Variants in RALYL observed in about 807,000 individuals in gnomAD.
The protein encoded by RALYL is RNA-binding Raly-like protein.
RALYL carries 29 observed loss-of-function variants against 35.1 expected under a neutral mutation model. That is an observed-to-expected ratio of 0.83 (90% CI 0.61 to 1.13). RALYL has a LOEUF of 1.13. Among genes scored for constraint, RALYL ranks in the 50% most tolerant of loss-of-function variants. RALYL has a pLI of 0.00. For synonymous variants in RALYL, 120 were observed against 127.6 expected (o/e 0.94, Z 0.40); for missense variants, 359 against 360.4 (o/e 1.00, Z 0.03).
chr8:84,826,683 T>C lies in RALYL; in HGVS notation c.365+21881T>C, dbSNP rs560017863. On this transcript the variant is annotated intron_variant, in intron 4 of 8. Transcript: ENST00000521268. ...AGGACCCTTCATCATCACGCTCCAA[T>C]GAGGCCCACCAGTCGATAAGCCCTG... 5.4e-3 allele frequency among the ~76,000 whole-genome samples: 827 copies of C among 151,978 alleles called. 6 individuals are homozygous for C. The highest frequency in any genetic ancestry group is 0.019 in the African/African-American group (778 of 41,432).
At chr8:84,776,235 TG>T (rs1816810086) in intron 3 of RALYL, among the ~76,000 whole-genome samples, 1 of 152,200 alleles carries the variant, frequency 6.6e-6, no homozygotes. Context: ...CCTCATTTTT[TG>T]AACTCTAAGA....
Position 84,810,886 on chromosome 8 carries a change from G to A in RALYL, c.365+6084G>A, listed in dbSNP as rs1001591127. Among the ~76,000 whole-genome samples the A allele has an allele frequency of 8.5e-5, 13 of 152,120 alleles. No homozygotes were observed. In the East Asian group the frequency reaches 1.9e-3, roughly 23 times the overall value. ...ACTTTAAGTTTATGTGAGTCCTTACGTATTAGGTGAGTCTCCTGAAGGCAG... is the reference window on the plus strand; with the variant it reads ...ACTTTAAGTTTATGTGAGTCCTTACATATTAGGTGAGTCTCCTGAAGGCAG... On this transcript the variant is annotated intron_variant, in intron 4 of 8. Transcript: ENST00000521268.
intron 4 of RALYL, among the ~76,000 whole-genome samples, chr8:84,830,473 C>T (rs1318300855): frequency 6.6e-6 from 1 of 152,110 alleles, no homozygotes; most frequent in South Asian, 2.1e-4. Context: ...AGCTTTGTAA[C>T]AGACCCAAAG....
At chr8:84,546,434 T>G (rs761384396) in intron 2 of RALYL, among the ~76,000 whole-genome samples, 1 of 152,194 alleles carries the variant, frequency 6.6e-6, no homozygotes, top group Non-Finnish European at 1.5e-5. Flanking sequence ...AGAGAAATCT[T>G]AATGTAAATA....
At chr8:84,856,953 G>A (rs1258859074) in intron 5 of RALYL, among the ~76,000 whole-genome samples, 4 of 148,860 alleles carry the variant, frequency 2.7e-5, no homozygotes, top group South Asian at 2.1e-4. Flanking sequence ...GCGTGAACCC[G>A]GGAAGCGGAG....
At chr8:84,839,648 C>T (rs934623199) in intron 4 of RALYL, among the ~76,000 whole-genome samples, 4 of 152,236 alleles carry the variant, frequency 2.6e-5, no homozygotes, top group South Asian at 4.1e-4. Flanking sequence ...AGCTGGACAT[C>T]GGAGAATGGA....
chr8:84,898,494 G>T (rs1845136039), intron 8 of RALYL, among the ~76,000 whole-genome samples: 1 of 152,196 alleles, frequency 6.6e-6, no homozygotes, highest in African/African-American at 2.4e-5. Flanking sequence ...CTGGGATAGA[G>T]CACATGGTAC....
intron 4 of RALYL, 22 bp from the exon 5 acceptor site, chr8:84,849,958 A>T: frequency 7.2e-7 from 1 of 1,393,710 alleles, no homozygotes. Flanking sequence ...ATGCCAACTA[A>T]TTTTTTTGTT....
intron 1 of RALYL, among the ~76,000 whole-genome samples, chr8:84,308,162 G>GA (rs200606936): frequency 3.4e-5 from 5 of 147,080 alleles, no homozygotes; most frequent in Admixed American, 6.8e-5. Context: ...ATTCTACACG[G>GA]AAAAAAAAAG....
At chr8:84,497,644 T>TG (rs1564034935) in intron 1 of RALYL, among the ~76,000 whole-genome samples, 1 of 145,074 alleles carries the variant, frequency 6.9e-6, no homozygotes, top group African/African-American at 2.5e-5. Context: ...TTGTTTTTGT[T>TG]TTTTTTTTTT....
At chr8:84,673,590 G>T (rs1005019706) in intron 2 of RALYL, among the ~76,000 whole-genome samples, 1 of 152,084 alleles carries the variant, frequency 6.6e-6, no homozygotes, top group African/African-American at 2.4e-5. Flanking sequence ...TTAATCTTCT[G>T]CATATGGCTA....
chr8:84,497,724 C>T (rs2056213237), intron 1 of RALYL, among the ~76,000 whole-genome samples: 1 of 150,094 alleles, frequency 6.7e-6, no homozygotes, highest in Admixed American at 6.6e-5. Context: ...TCACTGCAAC[C>T]TCCACCTCCT....
At chr8:84,537,618 A>T (rs1208916221) in intron 2 of RALYL, among the ~76,000 whole-genome samples, 1 of 152,172 alleles carries the variant, frequency 6.6e-6, no homozygotes, top group Non-Finnish European at 1.5e-5. Flanking sequence ...TCATAGAAAT[A>T]TATTGCCATC....
intron 2 of RALYL, among the ~76,000 whole-genome samples, chr8:84,585,126 A>AT (rs1253906767): frequency 4.6e-5 from 7 of 151,954 alleles, no homozygotes; most frequent in East Asian, 3.9e-4. Flanking sequence ...TGTTATGGGT[A>AT]TTTTTTTTAA....
intron 2 of RALYL, among the ~76,000 whole-genome samples, chr8:84,707,090 C>T (rs1415373064): frequency 3.3e-5 from 5 of 151,996 alleles, no homozygotes; most frequent in Non-Finnish European, 5.9e-5. Flanking sequence ...ATTTTTAGTG[C>T]GATAATTTAT....
intron 2 of RALYL, among the ~76,000 whole-genome samples, chr8:84,771,607 G>A (rs895505258): frequency 6.6e-6 from 1 of 152,032 alleles, no homozygotes; most frequent in African/African-American, 2.4e-5. Flanking sequence ...TGTATCTCAT[G>A]ATGTTTTAAC....
intron 2 of RALYL, among the ~76,000 whole-genome samples, chr8:84,731,859 C>G (rs1846238123): frequency 6.6e-6 from 1 of 152,056 alleles, no homozygotes; most frequent in African/African-American, 2.4e-5. Flanking sequence ...ACCTCTGTAT[C>G]TTCCCTCATT....
At chr8:84,288,848 A>G (rs542203086) in intron 1 of RALYL, among the ~76,000 whole-genome samples, 1 of 152,322 alleles carries the variant, frequency 6.6e-6, no homozygotes, top group East Asian at 1.9e-4. Flanking sequence ...TAAATAATGC[A>G]TTAATGAATA....
chr8:84,204,995 A>G (rs1387721617), intron 1 of RALYL, among the ~76,000 whole-genome samples: 1 of 152,184 alleles, frequency 6.6e-6, no homozygotes, highest in Non-Finnish European at 1.5e-5. Flanking sequence ...TGACAGGGCT[A>G]GTAACTAGCA....
Sources: allele counts gnomAD v4.1 joint callset (sites outside exome capture counted in the v4.1 genomes callset), GRCh38; gene constraint gnomAD v4.1.1; transcripts MANE v1.5; gene names NCBI Gene and HGNC (gene_info 2026-07-23, HGNC 2026-07-21).